The following DOCK2 variants were observed in gnomAD, a reference collection of about 807,000 sequenced individuals.
DOCK2 encodes dedicator of cytokinesis 2.
Under a neutral mutation model 248.9 loss-of-function variants are expected in DOCK2, and 87 were observed. That is an observed-to-expected ratio of 0.35 (90% confidence interval 0.29 to 0.42). The LOEUF is 0.42. Among genes scored for constraint, DOCK2 ranks in the 10% least tolerant of loss-of-function variants. The pLI is 1.00. For synonymous variants in DOCK2, 805 were observed against 821.6 expected, an observed-to-expected ratio of 0.98 and a Z score of 0.35; for missense variants, 1,747 against 2,300.2, an observed-to-expected ratio of 0.76 and a Z score of 4.92.
chr5:169,798,868 T>C (rs1766808317), intron 25 of DOCK2, among the ~76,000 whole-genome samples: 1 of 152,210 alleles, frequency 6.6e-6, no homozygotes, highest in Admixed American at 6.5e-5. Context: ...ACTGACCTCA[T>C]TTTACAGGTG....
intron 2 of DOCK2, among the ~76,000 whole-genome samples, chr5:169,657,765 T>C (rs968809436): frequency 1.3e-5 from 2 of 152,230 alleles, no homozygotes; most frequent in Admixed American, 1.3e-4. Context: ...TTGGGATGTT[T>C]TCTTTCCTAT....
chr5:169,703,302 C>T (rs1761083869), intron 14 of DOCK2, among the ~76,000 whole-genome samples: 1 of 152,194 alleles, frequency 6.6e-6, no homozygotes, highest in Non-Finnish European at 1.5e-5. Flanking sequence ...CAGACTGATA[C>T]TTTGTACCCA....
intron 8 of DOCK2, among the ~76,000 whole-genome samples, chr5:169,686,303 G>A (rs868209223): frequency 6.6e-6 from 1 of 152,210 alleles, no homozygotes; most frequent in Non-Finnish European, 1.5e-5. Flanking sequence ...TGGTCGGCTG[G>A]CCCCATCTCA....
At chr5:170,006,435 C>T (rs945792521) in intron 30 of DOCK2, among the ~76,000 whole-genome samples, 2 of 152,164 alleles carry the variant, frequency 1.3e-5, no homozygotes, top group African/African-American at 2.4e-5. Flanking sequence ...GCCTCAGTCT[C>T]CTGAGTAGCT....
rs1320587393 is a variant in DOCK2, at chr5:170,067,610, C to G, written c.4568C>G (p.Pro1523Arg). 6.2e-7 allele frequency: 1 copy of G among 1,614,192 alleles called. No individual in the cohort carries two copies. Among genetic ancestry groups the G allele is most frequent in the Non-Finnish European group, 8.5e-7 (1 of 1,180,028 alleles). ...CAGTACCAGAGTGATGAGACCCTCCCCATCAACCCACTCTCCATGCTCCTG... is the reference window on the plus strand; with the variant it reads ...CAGTACCAGAGTGATGAGACCCTCCGCATCAACCCACTCTCCATGCTCCTG... The part of the protein sequence containing the change: ...INQYQSDETL[P>R]INPLSMLLNG... The change falls in exon 45 of 52, where the codon CCC (proline) becomes CGC (arginine). Residue 1523 changes from proline (P) to arginine (R), a missense_variant. Pro to Arg is a moderately radical substitution (Grantham distance 103, BLOSUM62 -2). This residue lies in a region of DOCK2 where 513 missense variants were observed against 586.1 expected (regional missense o/e 0.88). Transcript: ENST00000520908.
rs1442141532 is a variant in DOCK2, at chr5:169,695,943, G to A, written c.979+5G>A. 5.0e-6 allele frequency: 8 copies of A among 1,594,510 alleles called. No homozygotes were observed. Among genetic ancestry groups the A allele is most frequent in the Non-Finnish European group, 6.8e-6 (8 of 1,171,192 alleles). On this transcript the variant is annotated splice_donor_5th_base_variant and intron_variant, in intron 10 of 51. Coordinates refer to ENST00000520908, the MANE Select transcript of DOCK2 (RefSeq NM_004946.3). ...GGAGGCCCTTTGGGGTGGCAGGTAA[G>A]GGGCACACTCTGCATCATTGATTTT...
In DOCK2 at chr5:170,067,692, G is replaced by A. The variant is rs751579322; in HGVS notation, c.4644+6G>A. 4.0e-5 allele frequency: 64 copies of A among 1,613,872 alleles called. No homozygotes were observed. The highest frequency in any genetic ancestry group is 4.9e-5 in the Non-Finnish European group (58 of 1,179,826). ...GCTTCGCCAAGTATGAGAAGGTGAG[G>A]ATTTCTGTTCTCCAAGTCTAGGGGA... On this transcript the variant is annotated splice_donor_region_variant and intron_variant, in intron 45 of 51. Coordinates refer to ENST00000520908, the MANE Select transcript of DOCK2 (RefSeq NM_004946.3).
At chr5:169,972,170 G>A (rs1017981788) in intron 27 of DOCK2, among the ~76,000 whole-genome samples, 4 of 152,048 alleles carry the variant, frequency 2.6e-5, no homozygotes, top group African/African-American at 9.7e-5. Context: ...TATCAATCTT[G>A]TAGTTTCTCA....
chr5:169,741,328 C>CCT (rs61223367), intron 22 of DOCK2, among the ~76,000 whole-genome samples: 15,931 of 152,104 alleles, frequency 0.1, 1,075 homozygotes, highest in South Asian at 0.19. Flanking sequence ...AATGTGCCTG[C>CCT]CTAGTGCATT....
intron 8 of DOCK2, among the ~76,000 whole-genome samples, chr5:169,685,052 T>G (rs1428706700): frequency 6.6e-6 from 1 of 152,254 alleles, no homozygotes; most frequent in Non-Finnish European, 1.5e-5. Flanking sequence ...GGTTCACATC[T>G]AGGCCCCAGC....
intron 49 of DOCK2, 138 bp downstream of exon 49, chr5:170,079,284 C>A: frequency 8.2e-7 from 1 of 1,223,306 alleles, no homozygotes. Context: ...AGAGGCGGCA[C>A]CTGAGGAGCT....
chr5:169,637,486 A>T, intron 1 of DOCK2, 117 bp downstream of exon 1: 1 of 1,162,554 alleles, frequency 8.6e-7, no homozygotes, highest in Non-Finnish European at 1.1e-6. Context: ...CCTGCAGGTC[A>T]GAGGGCGCAG....
At chr5:170,034,614 G>A (rs1195547581) in intron 35 of DOCK2, 59 bp downstream of exon 35, 60 of 1,596,618 alleles carry the variant, frequency 3.8e-5, no homozygotes, top group Non-Finnish European at 5.1e-5. Context: ...CTTGGGCTTG[G>A]CTTTGGGTCT....
At chr5:170,063,475 G>A (rs1297263101) in intron 44 of DOCK2, among the ~76,000 whole-genome samples, 1 of 151,998 alleles carries the variant, frequency 6.6e-6, no homozygotes, top group Non-Finnish European at 1.5e-5. Context: ...TTTCTTTCTG[G>A]AAGGGGCACA....
intron 7 of DOCK2, among the ~76,000 whole-genome samples, chr5:169,683,788 T>C (rs1473997217): frequency 6.6e-6 from 1 of 152,356 alleles, no homozygotes; most frequent in East Asian, 1.9e-4. Flanking sequence ...ATTTTCCTCA[T>C]AATTAGTTGT....
At chr5:169,719,664 A>G (rs879790351) in intron 22 of DOCK2, among the ~76,000 whole-genome samples, 3 of 152,178 alleles carry the variant, frequency 2.0e-5, no homozygotes, top group African/African-American at 7.2e-5. Flanking sequence ...ATTGTCTTAT[A>G]AGGCAAGTTT....
At chr5:169,687,087 A>G (rs1760029290) in intron 8 of DOCK2, among the ~76,000 whole-genome samples, 1 of 152,180 alleles carries the variant, frequency 6.6e-6, no homozygotes, top group Admixed American at 6.5e-5. Flanking sequence ...CTCCTGGAAG[A>G]AAATTGCTGG....
intron 25 of DOCK2, among the ~76,000 whole-genome samples, chr5:169,792,714 G>T (rs929135419): frequency 7.2e-4 from 109 of 152,286 alleles, no homozygotes; most frequent in African/African-American, 2.6e-3. Flanking sequence ...GGATGAAGAG[G>T]TGGGTGCACA....
At chr5:169,648,272 C>G (rs1757584043) in intron 1 of DOCK2, among the ~76,000 whole-genome samples, 1 of 152,092 alleles carries the variant, frequency 6.6e-6, no homozygotes, top group Non-Finnish European at 1.5e-5. Context: ...AGGCTAGTAG[C>G]ACTGACACCC....
Sources: gnomAD v4.1 joint callset for allele counts (sites outside exome capture counted in the v4.1 genomes callset) on GRCh38, gnomAD v4.1.1 for gene constraint, gnomAD v4.1.1 regional missense constraint, MANE v1.5 for transcripts, NCBI Gene and HGNC (gene_info 2026-07-23, HGNC 2026-07-21) for gene names.